The following KIF25 variants were observed in gnomAD, a reference collection of about 807,000 sequenced individuals.
KIF25 encodes the protein kinesin family member 25.
Under a neutral mutation model 32.9 loss-of-function variants are expected in KIF25, and 19 were observed. The ratio of observed to expected loss-of-function variants is 0.58; its 90% CI spans 0.40 to 0.85. The LOEUF (loss-of-function observed/expected upper bound fraction) is 0.85, where lower values mean the gene tolerates loss of function less well. Among genes scored for constraint, KIF25 ranks in the 40% least tolerant of loss-of-function variants. The probability of loss-of-function intolerance (pLI) is 0.00; values close to 1 mark genes in which losing one functional copy is unlikely to be tolerated. For missense variants in KIF25, 485 were observed against 507.0 expected (o/e 0.96, Z 0.42); for synonymous variants, 225 against 213.7 (o/e 1.05, Z -0.46).
At chr6:168,014,099 C>T (rs538305289) in intron 4 of KIF25, among the ~76,000 whole-genome samples, 3 of 152,154 alleles carry the variant, frequency 2.0e-5, no homozygotes, top group South Asian at 2.1e-4. Context: ...ATCAGGACTT[C>T]GTGTTAACAG....
intron 4 of KIF25, among the ~76,000 whole-genome samples, chr6:168,016,188 G>A (rs192860927): frequency 2.0e-5 from 3 of 152,268 alleles, no homozygotes; most frequent in African/African-American, 4.8e-5. Flanking sequence ...TGGTCCTGGC[G>A]GGTGTCGGAG....
intron 5 of KIF25, among the ~76,000 whole-genome samples, chr6:168,026,026 G>C (rs544305597): frequency 1.3e-5 from 2 of 152,300 alleles, no homozygotes; most frequent in South Asian, 2.1e-4. Flanking sequence ...GCCGTTGGTC[G>C]TCCCAGGAGG....
chr6:168,045,016 T>C lies in KIF25; in HGVS notation c.*20T>C, dbSNP rs373800696. 1.3e-4 allele frequency: 202 copies of C among 1,571,742 alleles called. No homozygotes were observed. In the African/African-American group the frequency reaches 2.3e-3, roughly 18 times the overall value. ...GATTGAATGCATTAACAAGTTTTTC[T>C]CCTAAAACTGTGTTTCTTGTCCTTG... On this transcript the variant is annotated 3_prime_UTR_variant, in exon 13 of 13. Transcript: ENST00000643607.
At chr6:168,039,687 C>T (rs1028465692) in intron 9 of KIF25, among the ~76,000 whole-genome samples, 2 of 152,244 alleles carry the variant, frequency 1.3e-5, no homozygotes, top group Non-Finnish European at 2.9e-5. Flanking sequence ...AGTCATATCT[C>T]ATCCACTAAC....
chr6:168,037,577 G>A (rs1006441570), intron 8 of KIF25, among the ~76,000 whole-genome samples: 1 of 152,144 alleles, frequency 6.6e-6, no homozygotes, highest in Non-Finnish European at 1.5e-5. Flanking sequence ...GCCAGAGGGA[G>A]GAGAGAGAAA....
At chr6:168,014,932 C>G (rs1264674985) in intron 4 of KIF25, among the ~76,000 whole-genome samples, 2 of 152,154 alleles carry the variant, frequency 1.3e-5, no homozygotes, top group African/African-American at 4.8e-5. Flanking sequence ...ACCTGAATGT[C>G]TGAATATAGT....
chr6:168,035,385 C>T lies in KIF25; in HGVS notation c.317+1354C>T, dbSNP rs1160684210. On this transcript the variant is annotated intron_variant, in intron 8 of 12. Coordinates refer to ENST00000643607, the MANE Select transcript of KIF25 (RefSeq NM_030615.4). ...GTTTCCGTTTGGCTCTGGAATTTGC[C>T]GACGGAAGCATATCCAGGGCGGCAA... 1.5e-4 allele frequency among the ~76,000 whole-genome samples: 11 copies of T among 74,956 alleles called. No homozygotes were observed. The East Asian group carries it at 2.6e-3, about 18-fold the overall frequency. 49.2% of individuals were successfully genotyped at this position (74,956 alleles called of 152,430 possible).
At chr6:168,004,329 A>C (rs1285902293) in intron 4 of KIF25, among the ~76,000 whole-genome samples, 1 of 152,220 alleles carries the variant, frequency 6.6e-6, no homozygotes, top group Non-Finnish European at 1.5e-5. Context: ...TCAACGCGGG[A>C]TAGAAGCCTG....
chr6:168,013,961 C>G (rs368152134), intron 4 of KIF25, among the ~76,000 whole-genome samples: 1 of 152,136 alleles, frequency 6.6e-6, no homozygotes, highest in African/African-American at 2.4e-5. Context: ...CACCAGCTCT[C>G]TCTCATCAGC....
intron 12 of KIF25, 105 bp from the exon 13 acceptor site, chr6:168,044,719 GGGC>G: frequency 8.5e-7 from 1 of 1,172,472 alleles, no homozygotes. Flanking sequence ...CTGGGGCGCC[GGGC>G]GGCCCTCTCT....
intron 7 of KIF25, among the ~76,000 whole-genome samples, chr6:168,031,704 A>G (rs1466421893): frequency 6.6e-6 from 1 of 152,244 alleles, no homozygotes; most frequent in African/African-American, 2.4e-5. Flanking sequence ...GCATCTTTTA[A>G]GTAAGCAGAT....
At chr6:168,022,771 T>G (rs540181279) in intron 5 of KIF25, among the ~76,000 whole-genome samples, 2,738 of 148,960 alleles carry the variant, frequency 0.018, 106 homozygotes, top group African/African-American at 0.063. Flanking sequence ...TGTTGTTGTT[T>G]TTTTTTTTTT....
In KIF25 at chr6:168,042,722, C is replaced by A; in HGVS notation, c.985+6C>A. 1 of 1,606,286 alleles carries A rather than the reference C, an allele frequency of 6.2e-7. No individual in the cohort carries two copies. The highest frequency in any genetic ancestry group is 8.5e-7 in the Non-Finnish European group (1 of 1,177,540). On this transcript the variant is annotated splice_donor_region_variant and intron_variant, in intron 12 of 12. Transcript: ENST00000643607. The stretch of plus-strand genomic sequence containing the variant: ...CCTCCTTCAGGACTGCCTCGGTAAC[C>A]GTTTTCCCCAAAATGCCCCAGGATG...
chr6:168,013,749 A>C (rs1798679343), intron 4 of KIF25, among the ~76,000 whole-genome samples: 1 of 151,366 alleles, frequency 6.6e-6, no homozygotes, highest in East Asian at 1.9e-4. Flanking sequence ...GCCTGGGCAG[A>C]TCTGACCCAG....
At chr6:168,034,710 A>T (rs1376422441) in intron 8 of KIF25, among the ~76,000 whole-genome samples, 1 of 152,170 alleles carries the variant, frequency 6.6e-6, no homozygotes, top group Non-Finnish European at 1.5e-5. Flanking sequence ...TCCTGCCGCC[A>T]TCAGGAGTGT....
At chr6:168,038,521 T>A in intron 8 of KIF25, 32 bp from the exon 9 acceptor site, 1 of 1,610,364 alleles carries the variant, frequency 6.2e-7, no homozygotes, top group Non-Finnish European at 8.5e-7. Flanking sequence ...TGTGAGACTT[T>A]CTGTAAGTTT....
intron 5 of KIF25, among the ~76,000 whole-genome samples, chr6:168,022,735 G>A (rs1294513985): frequency 6.7e-6 from 1 of 149,376 alleles, no homozygotes; most frequent in East Asian, 1.9e-4. Flanking sequence ...ACTTATCTTT[G>A]GTGAGGAGTT....
At chr6:168,028,055 C>CATG (rs1182327391) in intron 5 of KIF25, among the ~76,000 whole-genome samples, 2 of 152,160 alleles carry the variant, frequency 1.3e-5, no homozygotes, top group African/African-American at 4.8e-5. Flanking sequence ...CTGGGACACG[C>CATG]ATGGCCGGGT....
chr6:168,033,764 G>GT, intron 7 of KIF25, 118 bp from the exon 8 acceptor site: 2 of 1,063,412 alleles, frequency 1.9e-6, no homozygotes, highest in Non-Finnish European at 2.8e-6. Flanking sequence ...AAGAAATGGA[G>GT]TAACAGGAGA....
Sources: gnomAD v4.1 joint callset for allele counts (sites outside exome capture counted in the v4.1 genomes callset) on GRCh38, gnomAD v4.1.1 for gene constraint, MANE v1.5 for transcripts, NCBI Gene and HGNC (gene_info 2026-07-23, HGNC 2026-07-21) for gene names.